Variants in NXPE1 observed in about 807,000 individuals in gnomAD.
The protein encoded by NXPE1 is neurexophilin and PC-esterase domain family member 1, also known as NXPE family member 1.
A neutral mutation model predicts 33.3 loss-of-function variants in NXPE1; 31 were observed. The ratio of observed to expected loss-of-function variants is 0.93; its 90% CI spans 0.70 to 1.26. NXPE1 has a LOEUF of 1.26. Ranked by LOEUF, NXPE1 falls within the 50% of genes most tolerant of loss-of-function variation. The pLI, the probability that NXPE1 is intolerant of heterozygous loss-of-function variation, is 0.00. For synonymous variants in NXPE1, 229 were observed against 231.4 expected, an observed-to-expected ratio of 0.99 and a Z score of 0.09; for missense variants, 661 against 655.6, an observed-to-expected ratio of 1.01 and a Z score of -0.09.
At chr11:114,530,601 C>T in exon 6 of NXPE1, 1 of 1,614,150 alleles carries the variant, frequency 6.2e-7, no homozygotes, top group South Asian at 1.1e-5. Context: ...CAGGAAATCC[C>T]CACCATATTG....
At chr11:114,552,864 A>T in exon 2 of NXPE1, 1 of 977,664 alleles carries the variant, frequency 1.0e-6, no homozygotes, top group South Asian at 4.7e-5. Flanking sequence ...AATAGGTGTC[A>T]GGTAGCACAG....
In NXPE1 at chr11:114,522,033, T is replaced by C. The variant is rs141275411; in HGVS notation, c.1579A>G (p.Thr527Ala). The change falls in exon 9 of 9, where the codon ACT becomes GCT. Residue 527 changes from threonine (T) to alanine (A), a missense_variant. Coordinates refer to ENST00000534921, the Ensembl canonical transcript of NXPE1. ...ATCACATGATCAGGTGGGTGGATAG[T>C]GTCAGTGCCATATGCAATGGTCATG... The C allele has an allele frequency of 4.8e-5, 78 of 1,613,880 alleles. No individual in the cohort carries two copies. The highest frequency in any genetic ancestry group is 5.1e-6 in the Non-Finnish European group (6 of 1,179,860).
chr11:114,528,277 C>G (rs574169408), intron 6 of NXPE1, among the ~76,000 whole-genome samples: 1 of 152,246 alleles, frequency 6.6e-6, no homozygotes, highest in South Asian at 2.1e-4. Flanking sequence ...TCATGCAAGT[C>G]TCAGTTTTAT....
chr11:114,534,182 A>C (rs1218420911), intron 5 of NXPE1, among the ~76,000 whole-genome samples: 1 of 152,206 alleles, frequency 6.6e-6, no homozygotes, highest in East Asian at 1.9e-4. Context: ...CAAGGTCTGG[A>C]GTGGACCTCC....
chr11:114,542,640 C>T (rs1948139606), intron 5 of NXPE1, among the ~76,000 whole-genome samples: 1 of 151,956 alleles, frequency 6.6e-6, no homozygotes, highest in Non-Finnish European at 1.5e-5. Flanking sequence ...AGTAAAAGGA[C>T]ATTACTTCAA....
chr11:114,527,792 T>C (rs756470288), intron 7 of NXPE1, 48 bp downstream of exon 7: 8 of 1,374,046 alleles, frequency 5.8e-6, no homozygotes, highest in South Asian at 2.7e-5. Flanking sequence ...TTAATGCTGA[T>C]AAAAGTTTCC....
In NXPE1 at chr11:114,530,349, C is replaced by A. The variant is rs771300337; in HGVS notation, c.659G>T (p.Cys220Phe). 16 of 1,614,092 alleles carry A rather than the reference C, an allele frequency of 9.9e-6. No homozygotes were observed. In the East Asian group the frequency reaches 3.6e-4, roughly 36 times the overall value. ...AGCATTTGAGTTTAGGGTCAGGCCACATTCAGTGAAGACATGAGAGGTGCC... is the reference window on the plus strand; with the variant it reads ...AGCATTTGAGTTTAGGGTCAGGCCAAATTCAGTGAAGACATGAGAGGTGCC... Residue 220 changes from cysteine (C) to phenylalanine (F), a missense_variant, in exon 6 of 9, where the codon TGT (cysteine) becomes TTT (phenylalanine). Transcript: ENST00000534921.
rs907569511 is a variant in NXPE1, at chr11:114,521,849, A to G, written c.*119T>C. ...TTGTCCTTACATAGCCTTCCTCCCC[A>G]AACAGATTCTTTTAAATTTATTTTC... On this transcript the variant is annotated 3_prime_UTR_variant, in exon 9 of 9. Transcript: ENST00000534921. 3.8e-6 allele frequency: 3 copies of G among 788,862 alleles called. No homozygotes were observed. In the African/African-American group the frequency reaches 5.2e-5, roughly 14 times the overall value. The allele number at this position is 788,862 out of a possible 1,614,324, so 48.9% of individuals were successfully genotyped here.
chr11:114,537,618 G>A (rs1947884183), intron 5 of NXPE1, among the ~76,000 whole-genome samples: 2 of 152,288 alleles, frequency 1.3e-5, no homozygotes, highest in South Asian at 4.1e-4. Flanking sequence ...AAAATCACGA[G>A]CATTCTTATA....
intron 1 of NXPE1, among the ~76,000 whole-genome samples, chr11:114,557,597 G>T: frequency 7.1e-6 from 1 of 140,684 alleles, no homozygotes. Context: ...TTTAATTCTA[G>T]GAATATTTAA....
At chr11:114,554,452 C>T in intron 1 of NXPE1, 1 of 863,038 alleles carries the variant, frequency 1.2e-6, no homozygotes, top group Non-Finnish European at 1.4e-6. Flanking sequence ...CTTTGATAAT[C>T]AGTCCTATGA....
chr11:114,535,481 G>A (rs1313330620), intron 5 of NXPE1, among the ~76,000 whole-genome samples: 1 of 152,178 alleles, frequency 6.6e-6, no homozygotes, highest in Non-Finnish European at 1.5e-5. Flanking sequence ...AAAAGGCACA[G>A]ACTGGCAAAT....
chr11:114,542,474 A>T (rs1010164559), intron 5 of NXPE1, among the ~76,000 whole-genome samples: 1 of 152,202 alleles, frequency 6.6e-6, no homozygotes, highest in African/African-American at 2.4e-5. Context: ...TACAGAAATA[A>T]GTCTAAATTA....
chr11:114,551,518 T>G, intron 3 of NXPE1, 77 bp from the exon 4 acceptor site: 1 of 614,660 alleles, frequency 1.6e-6, no homozygotes, highest in South Asian at 7.0e-5. Flanking sequence ...ACATAACAAT[T>G]ACAATGAGAA....
intron 1 of NXPE1, among the ~76,000 whole-genome samples, chr11:114,559,200 A>G (rs192225399): frequency 6.6e-6 from 1 of 152,324 alleles, no homozygotes; most frequent in Non-Finnish European, 1.5e-5. Flanking sequence ...GGCTTTGTTT[A>G]TGACTCATCC....
At chr11:114,527,855 C>A (rs759005061) in exon 7 of NXPE1, 3 of 1,607,390 alleles carry the variant, frequency 1.9e-6, no homozygotes, top group Non-Finnish European at 2.5e-6. Context: ...CAATTAGTGA[C>A]ATCAATGTGT....
chr11:114,542,834 C>T (rs1948147403), intron 5 of NXPE1, among the ~76,000 whole-genome samples: 1 of 152,072 alleles, frequency 6.6e-6, no homozygotes, highest in Non-Finnish European at 1.5e-5. Context: ...CAGTAAAAAA[C>T]AAGCAAATAA....
Position 114,530,172 on chromosome 11 carries a change from C to T in NXPE1, c.833+3G>A, listed in dbSNP as rs1258726157. ...TCTCAGTATACATGAAAAGTATACT[C>T]ACCTGTGGAAAAGGCTGTTTTCCTT... On this transcript the variant is annotated splice_donor_region_variant and intron_variant, in intron 6 of 8. Coordinates refer to ENST00000534921, the Ensembl canonical transcript of NXPE1. The T allele has an allele frequency of 3.8e-6, 6 of 1,595,002 alleles. No individual in the cohort carries two copies. The African/African-American group carries it at 5.4e-5, about 14-fold the overall frequency.
At chr11:114,549,560 C>G (rs1275854477) in intron 5 of NXPE1, among the ~76,000 whole-genome samples, 2 of 151,910 alleles carry the variant, frequency 1.3e-5, no homozygotes, top group Non-Finnish European at 2.9e-5. Context: ...TTGAAAAACA[C>G]AACAGAAAGA....
Sources: allele counts gnomAD v4.1 joint callset (sites outside exome capture counted in the v4.1 genomes callset), GRCh38; gene constraint gnomAD v4.1.1; transcripts MANE v1.5; gene names NCBI Gene and HGNC (gene_info 2026-07-23, HGNC 2026-07-21).